TMOD1: variants seen among roughly 807,000 people sequenced by gnomAD.
The protein encoded by TMOD1 is tropomodulin-1.
A neutral mutation model predicts 40.6 loss-of-function variants in TMOD1; 17 were observed. That is an observed-to-expected ratio of 0.42 (90% CI 0.29 to 0.63). The LOEUF is 0.63. Among genes scored for constraint, TMOD1 ranks in the 20% least tolerant of loss-of-function variants. The pLI is 0.22. For synonymous variants in TMOD1, 181 were observed against 175.0 expected, an observed-to-expected ratio of 1.03 and a Z score of -0.27; for missense variants, 391 against 447.6, an observed-to-expected ratio of 0.87 and a Z score of 1.14.
chr9:97,548,680 A>G (rs1484357423), intron 3 of TMOD1, among the ~76,000 whole-genome samples: 1 of 152,144 alleles, frequency 6.6e-6, no homozygotes, highest in Non-Finnish European at 1.5e-5. Context: ...GAGCTGGGGA[A>G]AGCTCTCTAG....
intron 9 of TMOD1, 124 bp downstream of exon 9, chr9:97,591,559 G>A: frequency 8.3e-7 from 1 of 1,200,828 alleles, no homozygotes; most frequent in South Asian, 1.5e-5. Flanking sequence ...TTTTCACATT[G>A]ATCGCGTCTT....
At chr9:97,536,738 C>T (rs1283068882) in intron 2 of TMOD1, among the ~76,000 whole-genome samples, 1 of 152,160 alleles carries the variant, frequency 6.6e-6, no homozygotes, top group African/African-American at 2.4e-5. Flanking sequence ...CCCTTGGCTT[C>T]TTCCAATCCC....
chr9:97,533,748 G>T (rs150760168), intron 2 of TMOD1, among the ~76,000 whole-genome samples: 1 of 152,220 alleles, frequency 6.6e-6, no homozygotes, highest in Non-Finnish European at 1.5e-5. Context: ...CCAGTGCCCC[G>T]TCTGTGGCCT....
intron 8 of TMOD1, among the ~76,000 whole-genome samples, chr9:97,578,295 C>A (rs10982836): frequency 6.6e-6 from 1 of 152,138 alleles, no homozygotes; most frequent in Non-Finnish European, 1.5e-5. Flanking sequence ...CCTCGTGATC[C>A]GCCCGCCTCG....
At chr9:97,593,626 A>C (rs143070587) in intron 9 of TMOD1, among the ~76,000 whole-genome samples, 1 of 152,132 alleles carries the variant, frequency 6.6e-6, no homozygotes, top group Admixed American at 6.5e-5. Context: ...GGGAAAAAAA[A>C]GACTCAAAGG....
intron 1 of TMOD1, among the ~76,000 whole-genome samples, chr9:97,517,127 G>T (rs142294024): frequency 0.02 from 3,095 of 152,088 alleles, 109 homozygotes; most frequent in African/African-American, 0.071. Context: ...CGGGAGGATT[G>T]CTTGAGGCCA....
At chr9:97,578,612 GT>G (rs899925156) in intron 8 of TMOD1, among the ~76,000 whole-genome samples, 2 of 152,156 alleles carry the variant, frequency 1.3e-5, no homozygotes, top group African/African-American at 4.8e-5. Context: ...CCTTGGCTCT[GT>G]CATGAATAAG....
At chr9:97,542,747 G>A (rs1830292544) in intron 2 of TMOD1, among the ~76,000 whole-genome samples, 2 of 151,924 alleles carry the variant, frequency 1.3e-5, no homozygotes, top group South Asian at 4.2e-4. Flanking sequence ...CAGCTACTGG[G>A]GAGGCTGAGA....
At chr9:97,539,973 A>G (rs1433350602) in intron 2 of TMOD1, among the ~76,000 whole-genome samples, 10 of 148,996 alleles carry the variant, frequency 6.7e-5, no homozygotes, top group African/African-American at 2.4e-4. Context: ...CTCTGTCTCA[A>G]AAAAAAAAAA....
intron 3 of TMOD1, 71 bp from the exon 4 acceptor site, chr9:97,553,210 C>T: frequency 6.2e-7 from 1 of 1,605,040 alleles, no homozygotes. Context: ...ATGGTCCACG[C>T]AGGGCTGTGG....
chr9:97,532,765 T>A (rs961408685), intron 2 of TMOD1, among the ~76,000 whole-genome samples: 51 of 152,170 alleles, frequency 3.4e-4, no homozygotes, highest in African/African-American at 1.2e-3. Context: ...GTGACCTACA[T>A]GAAGGAAGGA....
rs41274244 is a variant in TMOD1 at position 97,524,149 on chromosome 9, C to A, written c.-40C>A. On this transcript the variant is annotated 5_prime_UTR_variant, in exon 2 of 10. Transcript: ENST00000259365. ...TCTTGTCTTTCTGGTAGGTATTACTCAGCACAGAAATTCAGGAGACACAGA... is the reference window on the plus strand; with the variant it reads ...TCTTGTCTTTCTGGTAGGTATTACTAAGCACAGAAATTCAGGAGACACAGA... 148,033 of 1,605,034 alleles carry A rather than the reference C, an allele frequency of 0.092. 7,814 individuals are homozygous for A. Among genetic ancestry groups the A allele is most frequent in the Non-Finnish European group, 0.11 (123,935 of 1,175,716 alleles).
chr9:97,559,794 A>AAATATATATAT (rs1390791825), intron 4 of TMOD1, among the ~76,000 whole-genome samples: 3 of 23,170 alleles, frequency 1.3e-4, no homozygotes, highest in Non-Finnish European at 1.5e-4. Context: ...AAAAAAAAAA[A>AAATATATATAT]ATATATATAT....
intron 1 of TMOD1, among the ~76,000 whole-genome samples, chr9:97,520,504 G>A (rs1031251554): frequency 5.3e-5 from 8 of 152,074 alleles, no homozygotes; most frequent in African/African-American, 1.2e-4. Context: ...ATACTGCTTC[G>A]TAGCAACCGT....
chr9:97,567,443 C>A (rs1239176397), intron 7 of TMOD1, among the ~76,000 whole-genome samples: 2 of 152,204 alleles, frequency 1.3e-5, no homozygotes, highest in Non-Finnish European at 2.9e-5. Flanking sequence ...CCACCGCCTG[C>A]CCTAGCTTTT....
At chr9:97,515,943 A>G (rs1308219671) in intron 1 of TMOD1, among the ~76,000 whole-genome samples, 9 of 152,200 alleles carry the variant, frequency 5.9e-5, no homozygotes, top group African/African-American at 1.4e-4. Flanking sequence ...GTCTCTGCAC[A>G]TCGGAGGAGT....
chr9:97,584,390 T>C (rs925497143), intron 8 of TMOD1, among the ~76,000 whole-genome samples: 12 of 151,294 alleles, frequency 7.9e-5, no homozygotes, highest in Admixed American at 5.3e-4. Context: ...TTCTGTTCTT[T>C]TACATTTGCT....
At chr9:97,569,338 A>G (rs1274200578) in intron 8 of TMOD1, among the ~76,000 whole-genome samples, 1 of 152,196 alleles carries the variant, frequency 6.6e-6, no homozygotes, top group Non-Finnish European at 1.5e-5. Context: ...TATATCCGGT[A>G]GAAGTCAGCT....
chr9:97,520,707 T>C (rs1829901066), intron 1 of TMOD1, among the ~76,000 whole-genome samples: 2 of 152,198 alleles, frequency 1.3e-5, no homozygotes, highest in Admixed American at 1.3e-4. Context: ...CCTTGGGGTG[T>C]GTATGTGGTG....
Sources: allele counts gnomAD v4.1 joint callset (sites outside exome capture counted in the v4.1 genomes callset), GRCh38; gene constraint gnomAD v4.1.1; transcripts MANE v1.5; gene names NCBI Gene and HGNC (gene_info 2026-07-23, HGNC 2026-07-21).